CCDC81: variants seen among roughly 807,000 people sequenced by gnomAD.
The protein encoded by CCDC81 is coiled-coil domain-containing protein 81.
CCDC81 carries 79 observed loss-of-function variants against 83.7 expected under a neutral mutation model. The ratio of observed to expected loss-of-function variants is 0.94; its 90% CI spans 0.79 to 1.14. CCDC81 has a LOEUF of 1.14. CCDC81 is among the 50% of genes most tolerant of loss of function. CCDC81 has a pLI of 0.00. For synonymous variants in CCDC81, 252 were observed against 278.1 expected (o/e 0.91, Z 0.93); for missense variants, 791 against 778.1 (o/e 1.02, Z -0.20).
chr11:86,404,582 C>CA (rs1472718469), intron 7 of CCDC81, among the ~76,000 whole-genome samples: 5 of 152,228 alleles, frequency 3.3e-5, no homozygotes, highest in Non-Finnish European at 7.4e-5. Context: ...TAAGCTGCCA[C>CA]ATAATGAGAG....
In CCDC81 at chr11:86,422,705, T is replaced by TG. The variant is rs1433268516; in HGVS notation, c.1950dup (p.Leu651AlafsTer40). 6.2e-7 allele frequency: 1 copy of TG among 1,613,230 alleles called. No homozygotes were observed. The highest frequency in any genetic ancestry group is 1.3e-5 in the African/African-American group (1 of 74,906). ...AACAAGTTCCTGCCTGGCTCCCGGTTGCTTGTGTAAAACTCAAAGTTTGGC... is the reference window on the plus strand; with the variant it reads ...AACAAGTTCCTGCCTGGCTCCCGGTTGGCTTGTGTAAAACTCAAAGTTTGGC... On this transcript the variant is annotated frameshift_variant, in exon 15 of 15. Coordinates refer to ENST00000445632, the MANE Select transcript of CCDC81 (RefSeq NM_001156474.2). LOFTEE classifies it high-confidence loss of function.
At chr11:86,400,130 C>CAAAAAA (rs560965042) in intron 6 of CCDC81, among the ~76,000 whole-genome samples, 7 of 106,494 alleles carry the variant, frequency 6.6e-5, no homozygotes, top group African/African-American at 9.5e-5. Flanking sequence ...GACTCCATCT[C>CAAAAAA]AAAAAAAAAA....
At chr11:86,415,923 C>T (rs1314134412) in intron 13 of CCDC81, among the ~76,000 whole-genome samples, 1 of 152,084 alleles carries the variant, frequency 6.6e-6, no homozygotes, top group Non-Finnish European at 1.5e-5. Context: ...ATCCTCCTGC[C>T]TCAGCTTCCC....
intron 7 of CCDC81, among the ~76,000 whole-genome samples, chr11:86,405,805 C>G (rs1447041650): frequency 6.8e-6 from 1 of 146,472 alleles, no homozygotes; most frequent in Non-Finnish European, 1.5e-5. Context: ...TTTTTTTGCC[C>G]AGGCTGGAGC....
In CCDC81 at chr11:86,392,408, A is replaced by C. The variant is rs567688151; in HGVS notation, c.299-133A>C. The C allele has an allele frequency of 3.0e-5, 31 of 1,024,542 alleles. No homozygotes were observed. In the South Asian group the frequency reaches 5.2e-4, roughly 17 times the overall value. 63.5% of individuals were successfully genotyped at this position (1,024,542 alleles called of 1,614,324 possible). ...GCAGTAATAATATTACATTGGGTACAACTAAAAGCTTCATCCAGAAGATTC... is the reference window on the plus strand; with the variant it reads ...GCAGTAATAATATTACATTGGGTACCACTAAAAGCTTCATCCAGAAGATTC... On this transcript the variant is annotated intron_variant, in intron 3 of 14. Transcript: ENST00000445632.
intron 1 of CCDC81, among the ~76,000 whole-genome samples, chr11:86,378,900 G>GT (rs1182542362): frequency 2.6e-5 from 4 of 151,922 alleles, no homozygotes; most frequent in Non-Finnish European, 5.9e-5. Flanking sequence ...GTGGGGTTTT[G>GT]TTTTTTGGTC....
chr11:86,384,123 A>G (rs1274912557), intron 1 of CCDC81, among the ~76,000 whole-genome samples: 2 of 152,214 alleles, frequency 1.3e-5, no homozygotes, highest in Admixed American at 1.3e-4. Flanking sequence ...TAGAGGTGAA[A>G]GACTGTTAGA....
intron 9 of CCDC81, 80 bp downstream of exon 9, chr11:86,408,350 T>C (rs1438212854): frequency 1.5e-6 from 2 of 1,360,168 alleles, no homozygotes; most frequent in African/African-American, 3.0e-5. Flanking sequence ...TATTTTTTAT[T>C]GGCGCAGGGT....
At chr11:86,393,407 T>C (rs1948361145) in intron 4 of CCDC81, among the ~76,000 whole-genome samples, 1 of 152,148 alleles carries the variant, frequency 6.6e-6, no homozygotes, top group African/African-American at 2.4e-5. Context: ...CATTTGAGCC[T>C]CAAAATAGCA....
At chr11:86,401,348 C>G (rs1488501621) in intron 7 of CCDC81, among the ~76,000 whole-genome samples, 1 of 151,464 alleles carries the variant, frequency 6.6e-6, no homozygotes, top group Non-Finnish European at 1.5e-5. Flanking sequence ...GACCTCAAAT[C>G]AGTCAACCAT....
intron 10 of CCDC81, among the ~76,000 whole-genome samples, chr11:86,409,858 A>G (rs1001134298): frequency 1.3e-5 from 2 of 152,104 alleles, no homozygotes; most frequent in Non-Finnish European, 2.9e-5. Context: ...ACTCACATTC[A>G]CTGTACCATT....
At chr11:86,407,571 C>T in intron 7 of CCDC81, 43 bp from the exon 8 acceptor site, 1 of 1,316,644 alleles carries the variant, frequency 7.6e-7, no homozygotes, top group Non-Finnish European at 1.1e-6. Flanking sequence ...CCCTTGAGGT[C>T]AGATTGTATT....
At chr11:86,421,072 C>A (rs1948782021) in intron 14 of CCDC81, among the ~76,000 whole-genome samples, 1 of 152,130 alleles carries the variant, frequency 6.6e-6, no homozygotes, top group Admixed American at 6.5e-5. Context: ...AAATCTACTC[C>A]TGGTATATCG....
chr11:86,380,830 C>T (rs933655453), intron 1 of CCDC81, among the ~76,000 whole-genome samples: 1 of 152,188 alleles, frequency 6.6e-6, no homozygotes, highest in African/African-American at 2.4e-5. Flanking sequence ...CCCATCTGTT[C>T]TTGCATGCTG....
chr11:86,409,423 C>A, intron 10 of CCDC81, 58 bp downstream of exon 10: 2 of 793,520 alleles, frequency 2.5e-6, no homozygotes, highest in Non-Finnish European at 4.0e-6. Flanking sequence ...GCCTTTGGAT[C>A]CACTCCCTGT....
chr11:86,409,006 C>T (rs961749724), intron 9 of CCDC81, among the ~76,000 whole-genome samples: 1 of 152,146 alleles, frequency 6.6e-6, no homozygotes, highest in Non-Finnish European at 1.5e-5. Context: ...CCCTTTCCTG[C>T]ATTTGTGATG....
intron 10 of CCDC81, among the ~76,000 whole-genome samples, chr11:86,411,929 GA>G (rs1948647527): frequency 6.6e-6 from 1 of 152,166 alleles, no homozygotes; most frequent in African/African-American, 2.4e-5. Context: ...ATTGCATTCA[GA>G]CAATGAGCCA....
chr11:86,402,134 C>CAAAA (rs540502448), intron 7 of CCDC81, among the ~76,000 whole-genome samples: 1,859 of 88,788 alleles, frequency 0.021, 70 homozygotes, highest in African/African-American at 0.043. Context: ...GACTCTGTCT[C>CAAAA]AAAAAAAAAA....
Position 86,414,797 on chromosome 11 carries a change from C to G in CCDC81, c.1400C>G (p.Ala467Gly). The G allele has an allele frequency of 6.2e-7, 1 of 1,609,164 alleles. No individual in the cohort carries two copies. Among genetic ancestry groups the G allele is most frequent in the Non-Finnish European group, 8.5e-7 (1 of 1,178,764 alleles). The change falls in exon 12 of 15, where the codon GCG (alanine) becomes GGG (glycine). Residue 467 changes from alanine (A) to glycine (G), a missense_variant. Ala to Gly is a moderately conservative substitution (Grantham distance 60). Transcript: ENST00000445632. Reference sequence around the variant, plus strand: ...TTGTTCTTAACTGCCAGACTTGCTGCGCAAAGAGCGAAATTTTTAAAAGAT... The same window carrying G: ...TTGTTCTTAACTGCCAGACTTGCTGGGCAAAGAGCGAAATTTTTAAAAGAT... ...EQVQLTEELA[A>G]QRAKFLKDKM...
Sources: allele counts gnomAD v4.1 joint callset (sites outside exome capture counted in the v4.1 genomes callset), GRCh38; gene constraint gnomAD v4.1.1; transcripts MANE v1.5; gene names NCBI Gene and HGNC (gene_info 2026-07-23, HGNC 2026-07-21).